Variants in CTNNA3 observed in about 807,000 individuals in gnomAD.
CTNNA3 encodes catenin alpha-3.
A neutral mutation model predicts 95.7 loss-of-function variants in CTNNA3; 76 were observed. That is an observed-to-expected ratio of 0.79 (90% CI 0.66 to 0.96). The LOEUF (loss-of-function observed/expected upper bound fraction) is 0.96, where lower values mean the gene tolerates loss of function less well. Among genes scored for constraint, CTNNA3 ranks in the 40% least tolerant of loss-of-function variants. The pLI, the probability that CTNNA3 is intolerant of heterozygous loss-of-function variation, is 0.00. For synonymous variants in CTNNA3, 431 were observed against 374.4 expected (o/e 1.15, Z -1.74); for missense variants, 1,191 against 1,089.8 (o/e 1.09, Z -1.31).
rs202119578 is a variant in CTNNA3 at position 66,010,530 on chromosome 10, C to T, written c.2160-21733G>A. Among the ~76,000 whole-genome samples the T allele has an allele frequency of 8.5e-5, 13 of 152,156 alleles. No individual in the cohort carries two copies. The East Asian group carries it at 2.5e-3, about 30-fold the overall frequency. ...AAGAGCAGCTTATTTTCAAACATAG[C>T]TATTATTTTAGAAACATGGAAAATA... On this transcript the variant is annotated intron_variant, in intron 15 of 17. Coordinates refer to ENST00000433211, the MANE Select transcript of CTNNA3 (RefSeq NM_013266.4).
At chr10:66,708,616 A>G (rs12218742) in intron 9 of CTNNA3, among the ~76,000 whole-genome samples, 4,910 of 152,116 alleles carry the variant, frequency 0.032, 212 homozygotes, top group East Asian at 0.22. Flanking sequence ...GAAGAGATAC[A>G]ATTCAGCCCA....
intron 7 of CTNNA3, among the ~76,000 whole-genome samples, chr10:66,925,491 T>C (rs1396267562): frequency 2.0e-5 from 3 of 152,200 alleles, no homozygotes; most frequent in African/African-American, 7.2e-5. Context: ...AAATCAATTA[T>C]ATCGTCTGTG....
At chr10:67,603,225 C>G (rs10997751) in intron 3 of CTNNA3, among the ~76,000 whole-genome samples, 20,864 of 152,188 alleles carry the variant, frequency 0.14, 1,552 homozygotes, top group Non-Finnish European at 0.16. Flanking sequence ...TGAGCAAAAA[C>G]TGGCTGAATT....
chr10:66,105,620 A>T (rs367759265), intron 13 of CTNNA3, among the ~76,000 whole-genome samples: 2 of 152,222 alleles, frequency 1.3e-5, no homozygotes, highest in South Asian at 2.1e-4. Flanking sequence ...TTTGTTGGGG[A>T]TGCTGTACGA....
chr10:67,072,961 A>G (rs1856549123), intron 7 of CTNNA3, among the ~76,000 whole-genome samples: 1 of 152,256 alleles, frequency 6.6e-6, no homozygotes, highest in African/African-American at 2.4e-5. Flanking sequence ...TAGATCCCTC[A>G]AGTCTCCAGT....
chr10:66,126,051 CATTA>C (rs2082815799), intron 13 of CTNNA3, among the ~76,000 whole-genome samples: 1 of 152,128 alleles, frequency 6.6e-6, no homozygotes, highest in Non-Finnish European at 1.5e-5. Context: ...AGTTTGACAA[CATTA>C]TTTACACATG....
chr10:67,386,847 C>T lies in CTNNA3; in HGVS notation c.579+134995G>A, dbSNP rs533968132. Among the ~76,000 whole-genome samples, 12 of 152,260 alleles carry T rather than the reference C, an allele frequency of 7.9e-5. No homozygotes were observed. The South Asian group carries it at 1.0e-3, about 13-fold the overall frequency. On this transcript the variant is annotated intron_variant, in intron 5 of 17. Coordinates refer to ENST00000433211, the MANE Select transcript of CTNNA3 (RefSeq NM_013266.4). ...TTGGCCATGCACATTAACATGAGTT[C>T]CACATAATGTTAATAACAAAGCAAA...
At chr10:66,217,995 G>A (rs774414635) in intron 13 of CTNNA3, among the ~76,000 whole-genome samples, 6 of 152,020 alleles carry the variant, frequency 3.9e-5, no homozygotes, top group Admixed American at 1.3e-4. Context: ...AGCTTAAACT[G>A]TTTTCAGAGG....
intron 5 of CTNNA3, among the ~76,000 whole-genome samples, chr10:67,311,798 G>A (rs1286727731): frequency 2.0e-5 from 3 of 152,112 alleles, no homozygotes; most frequent in Non-Finnish European, 4.4e-5. Flanking sequence ...GGAACAATGT[G>A]TTCTAGAAGA....
At chr10:67,068,438 A>G (rs919442407) in intron 7 of CTNNA3, among the ~76,000 whole-genome samples, 3 of 152,218 alleles carry the variant, frequency 2.0e-5, no homozygotes, top group Non-Finnish European at 4.4e-5. Context: ...AATACGTAAG[A>G]CTAGAACCCT....
At chr10:66,515,622 T>C (rs958075490) in intron 11 of CTNNA3, among the ~76,000 whole-genome samples, 1 of 152,116 alleles carries the variant, frequency 6.6e-6, no homozygotes, top group Admixed American at 6.6e-5. Flanking sequence ...AGAGGTTTAA[T>C]TGACTCACAG....
chr10:67,309,467 G>A (rs1489036018), intron 5 of CTNNA3, among the ~76,000 whole-genome samples: 1 of 152,144 alleles, frequency 6.6e-6, no homozygotes, highest in Admixed American at 6.5e-5. Flanking sequence ...AAAAAATGAT[G>A]TGGACATGGA....
chr10:67,433,806 C>T (rs1846208005), intron 5 of CTNNA3, among the ~76,000 whole-genome samples: 2 of 152,044 alleles, frequency 1.3e-5, no homozygotes, highest in Admixed American at 1.3e-4. Context: ...CCACTTCGCA[C>T]AATAGCTTTA....
At chr10:66,566,495 A>G (rs1292910766) in intron 10 of CTNNA3, among the ~76,000 whole-genome samples, 3 of 152,276 alleles carry the variant, frequency 2.0e-5, no homozygotes, top group African/African-American at 7.2e-5. Flanking sequence ...GAAGTATTCA[A>G]ACAATTCAAA....
At chr10:66,360,897 CTT>C (rs34140898) in intron 12 of CTNNA3, among the ~76,000 whole-genome samples, 10,587 of 115,710 alleles carry the variant, frequency 0.091, 582 homozygotes, top group Middle Eastern at 0.15. Flanking sequence ...TTCTTTATTT[CTT>C]TCTCTCTCTC....
chr10:66,915,930 G>C (rs2030032842), intron 7 of CTNNA3, among the ~76,000 whole-genome samples: 1 of 151,890 alleles, frequency 6.6e-6, no homozygotes, highest in Non-Finnish European at 1.5e-5. Context: ...TGTATTTTTA[G>C]TAGAGATGGG....
intron 11 of CTNNA3, among the ~76,000 whole-genome samples, chr10:66,468,179 C>G (rs770301397): frequency 5.9e-5 from 9 of 151,946 alleles, no homozygotes; most frequent in Non-Finnish European, 1.0e-4. Context: ...ATTCTTTAAA[C>G]AGTGATAGAA....
intron 12 of CTNNA3, among the ~76,000 whole-genome samples, chr10:66,333,732 A>C (rs1253499094): frequency 1.3e-5 from 2 of 151,408 alleles, no homozygotes; most frequent in Admixed American, 6.6e-5. Flanking sequence ...AGTTCTGTAG[A>C]TGTCTATTAG....
At chr10:66,526,261 C>G (rs1157268008) in intron 10 of CTNNA3, among the ~76,000 whole-genome samples, 5 of 152,124 alleles carry the variant, frequency 3.3e-5, no homozygotes, top group Non-Finnish European at 5.9e-5. Flanking sequence ...TCTCAGCTCA[C>G]AGCAACTTCC....
Sources: allele counts gnomAD v4.1 joint callset (sites outside exome capture counted in the v4.1 genomes callset), GRCh38; gene constraint gnomAD v4.1.1; transcripts MANE v1.5; gene names NCBI Gene and HGNC (gene_info 2026-07-23, HGNC 2026-07-21).